ATP2B2: variants seen among roughly 807,000 people sequenced by gnomAD.
ATP2B2 encodes the protein ATPase plasma membrane Ca2+ transporting 2.
A neutral mutation model predicts 120.0 loss-of-function variants in ATP2B2; 15 were observed. The observed-to-expected ratio is 0.12, with a 90% CI of 0.08 to 0.19. The LOEUF is 0.19. ATP2B2 is among the 10% of genes least tolerant of loss of function. ATP2B2 has a pLI of 1.00. For missense variants in ATP2B2, 1,045 were observed against 1,719.8 expected (o/e 0.61, Z 6.94); for synonymous variants, 694 against 700.3 (o/e 0.99, Z 0.14).
intron 22 of ATP2B2, among the ~76,000 whole-genome samples, chr3:10,337,459 G>A (rs2060149226): frequency 6.6e-6 from 1 of 152,162 alleles, no homozygotes; most frequent in Non-Finnish European, 1.5e-5. Context: ...TACAACACCT[G>A]CTCCAGGCAT....
At chr3:10,438,870 G>A (rs574422223) in intron 2 of ATP2B2, among the ~76,000 whole-genome samples, 1 of 152,372 alleles carries the variant, frequency 6.6e-6, no homozygotes, top group South Asian at 2.1e-4. Flanking sequence ...CCGTGTGACA[G>A]ATGAGGAAAC....
In ATP2B2 at chr3:10,347,635, G is replaced by A. The variant is rs1184667752; in HGVS notation, c.2405-1498C>T. Among the ~76,000 whole-genome samples the A allele has an allele frequency of 6.6e-6, 1 of 152,194 alleles. No homozygotes were observed. The highest frequency in any genetic ancestry group is 1.5e-5 in the Non-Finnish European group (1 of 68,028). On this transcript the variant is annotated intron_variant, in intron 16 of 22. Transcript: ENST00000360273. The surrounding 1 kb of genome is among the most constrained non-coding windows in gnomAD (Gnocchi z 5.2). Reference sequence around the variant, plus strand: ...TCCTGGACTCAGCCTCCCCAAGCTTGTCCCCTTGGGACATTAGGCCTGAGT... The same window carrying A: ...TCCTGGACTCAGCCTCCCCAAGCTTATCCCCTTGGGACATTAGGCCTGAGT...
intron 3 of ATP2B2, among the ~76,000 whole-genome samples, chr3:10,526,701 G>C (rs907385741): frequency 9.2e-5 from 14 of 152,204 alleles, no homozygotes; most frequent in African/African-American, 3.4e-4. Context: ...GGGCCAGTGA[G>C]GGGGTGTGGG....
chr3:10,461,126 G>A (rs1256759149), intron 1 of ATP2B2, among the ~76,000 whole-genome samples: 1 of 152,246 alleles, frequency 6.6e-6, no homozygotes, highest in East Asian at 1.9e-4. Context: ...TGGATTCAAA[G>A]GAGTGAGGAA....
rs765653847 is a variant in ATP2B2, at chr3:10,340,091, CT to C, written c.3237+150del. 4 of 749,502 alleles carry C rather than the reference CT, an allele frequency of 5.3e-6. No homozygotes were observed. Among genetic ancestry groups the C allele is most frequent in the Non-Finnish European group, 9.2e-6 (4 of 434,036 alleles). 46.4% of individuals were successfully genotyped at this position (749,502 alleles called of 1,614,324 possible). A position where few individuals can be genotyped will look rare whatever the true frequency, so the allele number is the denominator to read the frequency against. On this transcript the variant is annotated intron_variant, in intron 21 of 22. Transcript: ENST00000360273. The surrounding 1 kb of genome is among the most constrained non-coding windows in gnomAD (Gnocchi z 5.0). ...AGTACCCAGACGACCAGTATAGGAC[CT>C]GGGACAAACCCCCTTGCTCAGATGT... is the stretch of plus-strand genomic sequence containing the variant.
intron 2 of ATP2B2, among the ~76,000 whole-genome samples, chr3:10,568,913 A>G (rs923866106): frequency 6.6e-5 from 10 of 152,380 alleles, no homozygotes; most frequent in Admixed American, 2.0e-4. Context: ...ACCAGCCGAC[A>G]GTGTCAGGGA....
chr3:10,594,700 A>T (rs1474758570), intron 2 of ATP2B2, among the ~76,000 whole-genome samples: 6 of 117,776 alleles, frequency 5.1e-5, no homozygotes, highest in Non-Finnish European at 1.1e-4. Flanking sequence ...CATGTACCCT[A>T]GAACTTAAAG....
intron 7 of ATP2B2, 93 bp from the exon 8 acceptor site, chr3:10,385,420 T>C: frequency 9.0e-7 from 1 of 1,114,832 alleles, no homozygotes; most frequent in Non-Finnish European, 1.3e-6. Context: ...GGAGATAACA[T>C]GACTCTATTC....
intron 1 of ATP2B2, among the ~76,000 whole-genome samples, chr3:10,450,399 T>A (rs1236461635): frequency 6.6e-6 from 1 of 151,762 alleles, no homozygotes; most frequent in African/African-American, 2.4e-5. Context: ...CTCCCCCAAA[T>A]ACACGGTTCC....
chr3:10,412,708 C>A (rs1463135691), intron 2 of ATP2B2, among the ~76,000 whole-genome samples: 4 of 152,094 alleles, frequency 2.6e-5, no homozygotes, highest in Non-Finnish European at 5.9e-5. Context: ...GGACAAAGAC[C>A]AGTCTGATTC....
chr3:10,359,255 CT>C (rs1575006926), intron 13 of ATP2B2, among the ~76,000 whole-genome samples: 1 of 152,192 alleles, frequency 6.6e-6, no homozygotes, highest in East Asian at 1.9e-4. Context: ...TTGGAGGAGC[CT>C]TTAATAAATA....
At chr3:10,675,683 A>C (rs959744003) in intron 1 of ATP2B2, among the ~76,000 whole-genome samples, 1 of 152,042 alleles carries the variant, frequency 6.6e-6, no homozygotes, top group Non-Finnish European at 1.5e-5. Context: ...CTTGACCCTG[A>C]GCTGGGCCAC....
chr3:10,343,011 G>A lies in ATP2B2; in HGVS notation c.2704-46C>T. ...GCTGTCACCTGTGCGCCCACCTGCT[G>A]CTGTGAAGTGCTGGGCGGGCTCATG... On this transcript the variant is annotated intron_variant, in intron 18 of 22. Coordinates refer to ENST00000360273, the MANE Select transcript of ATP2B2 (RefSeq NM_001001331.4). This position sits in a 1 kb window ranked among gnomAD's most constrained non-coding sequence, Gnocchi z 4.2. 1 of 1,587,882 alleles carries A rather than the reference G, an allele frequency of 6.3e-7. No homozygotes were observed. The highest frequency in any genetic ancestry group is 8.6e-7 in the Non-Finnish European group (1 of 1,158,428).
At chr3:10,499,931 C>CTTTTTTT (rs57211710) in intron 1 of ATP2B2, among the ~76,000 whole-genome samples, 3 of 117,606 alleles carry the variant, frequency 2.6e-5, no homozygotes, top group African/African-American at 1.1e-4. Flanking sequence ...TGGGCACATT[C>CTTTTTTT]TTTTTTTTTT....
intron 1 of ATP2B2, among the ~76,000 whole-genome samples, chr3:10,649,742 ATTG>A (rs1211285267): frequency 6.6e-6 from 1 of 152,158 alleles, no homozygotes; most frequent in Non-Finnish European, 1.5e-5. Context: ...GTGGGAGGTA[ATTG>A]AATCATGGGG....
chr3:10,440,534 T>G (rs766223044), intron 2 of ATP2B2, among the ~76,000 whole-genome samples: 1 of 152,220 alleles, frequency 6.6e-6, no homozygotes, highest in Non-Finnish European at 1.5e-5. Context: ...AATTCCTCAC[T>G]GTTCCCTGTA....
intron 1 of ATP2B2, among the ~76,000 whole-genome samples, chr3:10,684,121 G>T (rs1320354730): frequency 2.0e-5 from 3 of 152,090 alleles, no homozygotes; most frequent in Non-Finnish European, 4.4e-5. Context: ...AGTGACCCAG[G>T]TCTGGCCAAT....
chr3:10,405,601 G>A (rs1003821474), intron 3 of ATP2B2, among the ~76,000 whole-genome samples: 8 of 152,256 alleles, frequency 5.3e-5, no homozygotes, highest in African/African-American at 1.9e-4. Context: ...CTTGGACTGG[G>A]GCAGGGACAG....
intron 22 of ATP2B2, among the ~76,000 whole-genome samples, chr3:10,337,207 G>A (rs375690561): frequency 3.9e-5 from 6 of 152,330 alleles, no homozygotes; most frequent in African/African-American, 1.2e-4. Context: ...GGTGAGGTTT[G>A]GGACAGGGTA....
Sources: allele counts gnomAD v4.1 joint callset (sites outside exome capture counted in the v4.1 genomes callset), GRCh38; gene constraint gnomAD v4.1.1; non-coding constraint Gnocchi (gnomAD v3.1); transcripts MANE v1.5; gene names NCBI Gene and HGNC (gene_info 2026-07-23, HGNC 2026-07-21).